ZNF721: variants seen among roughly 807,000 people sequenced by gnomAD.
The protein encoded by ZNF721 is zinc finger protein 721.
In ZNF721, 2 loss-of-function variants were observed where a neutral mutation model predicts 2.4. The observed-to-expected ratio is 0.82, with a 90% confidence interval of 0.34 to 2.58. The LOEUF is 2.58. Among genes scored for constraint, ZNF721 ranks in the 30% most tolerant of loss-of-function variants. The pLI is 0.11. For missense variants in ZNF721, 1,187 were observed against 1,085.5 expected (o/e 1.09, Z -1.31); for synonymous variants, 398 against 381.8 (o/e 1.04, Z -0.50).
chr4:483,816 T>G (rs1327385561), intron 1 of ZNF721, among the ~76,000 whole-genome samples: 5 of 150,650 alleles, frequency 3.3e-5, no homozygotes, highest in African/African-American at 1.2e-4. Context: ...GCAATGTTCA[T>G]TTGTTTGTTT....
chr4:465,793 C>A (rs1184608768), intron 2 of ZNF721, among the ~76,000 whole-genome samples: 9 of 146,322 alleles, frequency 6.2e-5, no homozygotes, highest in East Asian at 4.0e-4. Context: ...AAAAAAAAAA[C>A]AAAACAAAAC....
intron 1 of ZNF721, among the ~76,000 whole-genome samples, chr4:492,162 C>CAAAA (rs141448200): frequency 6.9e-6 from 1 of 144,200 alleles, no homozygotes; most frequent in African/African-American, 2.9e-5. Context: ...GATTCCGTCT[C>CAAAA]AAAAAAAAAA....
chr4:487,491 C>A (rs1322188434), intron 1 of ZNF721, among the ~76,000 whole-genome samples: 1 of 152,114 alleles, frequency 6.6e-6, no homozygotes, highest in East Asian at 1.9e-4. Flanking sequence ...CTAAGCCCAG[C>A]CTAAATTTCT....
At chr4:474,434 G>C (rs377023993) in intron 1 of ZNF721, among the ~76,000 whole-genome samples, 1 of 151,894 alleles carries the variant, frequency 6.6e-6, no homozygotes, top group African/African-American at 2.4e-5. Flanking sequence ...AATTGTGCAC[G>C]CGCGCGCGCA....
intron 2 of ZNF721, among the ~76,000 whole-genome samples, chr4:464,070 G>C (rs543379477): frequency 6.6e-6 from 1 of 152,206 alleles, no homozygotes; most frequent in South Asian, 2.1e-4. Context: ...TCATTAAGAA[G>C]GAACCAAGGA....
Position 472,612 on chromosome 4 carries a change from A to G in ZNF721, c.-4T>C. On this transcript the variant is annotated 5_prime_UTR_variant, in exon 2 of 3. The change abolishes an upstream ATG in the 5' untranslated region. Coordinates refer to ENST00000511833, the MANE Select transcript of ZNF721 (RefSeq NM_133474.4). ...GGTTTCTGTAGTTCTCCAACATCAC[A>G]TCTCTATACAAATTCTGCTGGGCAG... 1 of 1,613,954 alleles carries G rather than the reference A, an allele frequency of 6.2e-7. No homozygotes were observed. The highest frequency in any genetic ancestry group is 8.5e-7 in the Non-Finnish European group (1 of 1,179,990).
At chr4:487,763 C>T (rs372247140) in intron 1 of ZNF721, among the ~76,000 whole-genome samples, 3 of 152,266 alleles carry the variant, frequency 2.0e-5, no homozygotes, top group Non-Finnish European at 4.4e-5. Context: ...AAGGCCAATT[C>T]GTGCTGACTT....
chr4:467,083 G>A (rs1321505851), intron 2 of ZNF721, among the ~76,000 whole-genome samples: 3 of 152,082 alleles, frequency 2.0e-5, no homozygotes, highest in Admixed American at 6.6e-5. Flanking sequence ...TTAGCCGGGC[G>A]TGGTGGCAGG....
intron 2 of ZNF721, among the ~76,000 whole-genome samples, chr4:470,797 G>A (rs1038785615): frequency 1.3e-5 from 2 of 152,044 alleles, no homozygotes; most frequent in South Asian, 2.1e-4. Flanking sequence ...CCAAGAGATC[G>A]AGACCATCCT....
At chr4:469,622 C>A (rs550483580) in intron 2 of ZNF721, among the ~76,000 whole-genome samples, 37 of 152,152 alleles carry the variant, frequency 2.4e-4, no homozygotes, top group Admixed American at 2.0e-3. Flanking sequence ...ATAATCTGAG[C>A]CATCGTGAGA....
chr4:487,324 C>T (rs1715922021), intron 1 of ZNF721, among the ~76,000 whole-genome samples: 3 of 152,074 alleles, frequency 2.0e-5, no homozygotes, highest in African/African-American at 7.2e-5. Context: ...GACAACAAGC[C>T]CATTTTAACT....
In ZNF721 at chr4:442,061, A is replaced by T. The variant is rs554405280; in HGVS notation, c.2406T>A (p.Ile802=). The change falls in exon 3 of 3, where the codon ATT becomes ATA. Residue 802 remains isoleucine, a synonymous_variant. Transcript: ENST00000511833. Reference sequence around the variant, plus strand: ...ATTTAAAGGGTTTCTCACCTGTATGAATCCTCTTATGTTTAGCAAAGCTTG... The same window carrying T: ...ATTTAAAGGGTTTCTCACCTGTATGTATCCTCTTATGTTTAGCAAAGCTTG... ...SSSSFAKHKR[I]HTGEKPFKCL... is the part of the protein sequence containing the mutation. 6.2e-7 allele frequency: 1 copy of T among 1,613,936 alleles called. No individual in the cohort carries two copies. Among genetic ancestry groups the T allele is most frequent in the Non-Finnish European group, 8.5e-7 (1 of 1,179,824 alleles).
intron 1 of ZNF721, among the ~76,000 whole-genome samples, chr4:494,413 C>T (rs1576975500): frequency 1.3e-5 from 2 of 151,936 alleles, no homozygotes; most frequent in African/African-American, 4.8e-5. Context: ...GTCTCGATCT[C>T]CCGACCTCGT....
intron 2 of ZNF721, among the ~76,000 whole-genome samples, chr4:449,681 A>C (rs943093647): frequency 6.6e-6 from 1 of 152,202 alleles, no homozygotes; most frequent in Non-Finnish European, 1.5e-5. Context: ...TACATATGAC[A>C]AAAGATAAAT....
At chr4:471,114 A>AT (rs201690191) in intron 2 of ZNF721, among the ~76,000 whole-genome samples, 4,338 of 152,154 alleles carry the variant, frequency 0.029, 64 homozygotes, top group Middle Eastern at 0.068. Context: ...AAAAGGTTAG[A>AT]TTTTTTTTCC....
intron 2 of ZNF721, among the ~76,000 whole-genome samples, chr4:452,470 A>G (rs1370684159): frequency 6.6e-6 from 1 of 152,152 alleles, no homozygotes; most frequent in Non-Finnish European, 1.5e-5. Context: ...CATGGGTAAC[A>G]TTTTACAACC....
chr4:490,860 A>C (rs1716002973), intron 1 of ZNF721, among the ~76,000 whole-genome samples: 1 of 151,782 alleles, frequency 6.6e-6, no homozygotes. Flanking sequence ...AGGCTGAGGC[A>C]GGAGAATCTC....
intron 2 of ZNF721, among the ~76,000 whole-genome samples, chr4:456,904 A>G (rs79945695): frequency 2.0e-5 from 3 of 152,116 alleles, no homozygotes; most frequent in Admixed American, 6.5e-5. Context: ...TAATAAATAA[A>G]TGATGGAGGA....
At chr4:461,421 T>A (rs1419493042) in intron 2 of ZNF721, among the ~76,000 whole-genome samples, 5 of 152,088 alleles carry the variant, frequency 3.3e-5, no homozygotes, top group African/African-American at 1.2e-4. Context: ...TGCTAAAAAC[T>A]CTCAATCAAC....
Sources: allele counts gnomAD v4.1 joint callset (sites outside exome capture counted in the v4.1 genomes callset), GRCh38; gene constraint gnomAD v4.1.1; transcripts MANE v1.5; gene names NCBI Gene and HGNC (gene_info 2026-07-23, HGNC 2026-07-21).